The following CIMAP3 variants were observed in gnomAD, a reference collection of about 807,000 sequenced individuals.
CIMAP3 encodes ciliary microtubule-associated protein 3.
chr1:111,352,557 A>G, the CIMAP3 span: 3 of 152,646 alleles, frequency 2.0e-5, no homozygotes, highest in African/African-American at 7.2e-5. Flanking sequence ...AGGATATATT[A>G]AGATAATGAT....
At chr1:111,346,893 TCTC>T in the CIMAP3 span, 1 of 1,612,324 alleles carries the variant, frequency 6.2e-7, no homozygotes, top group Non-Finnish European at 8.5e-7. Context: ...ACGTGGAGCC[TCTC>T]CTCTTTATTT....
chr1:111,336,399 C>T, the CIMAP3 span, among the ~76,000 whole-genome samples: 109 of 151,976 alleles, frequency 7.2e-4, 2 homozygotes, highest in Non-Finnish European at 3.2e-4. Flanking sequence ...AATCAAACTA[C>T]GAGCTACAGG....
chr1:111,342,665 C>T, the CIMAP3 span, among the ~76,000 whole-genome samples: 1 of 152,170 alleles, frequency 6.6e-6, no homozygotes. Context: ...AGGTATATTT[C>T]TCCCCCCAGG....
the CIMAP3 span, among the ~76,000 whole-genome samples, chr1:111,335,655 C>A: frequency 6.6e-6 from 1 of 152,244 alleles, no homozygotes; most frequent in Non-Finnish European, 1.5e-5. Context: ...GGAGGGGCAC[C>A]CGCCATTGCC....
chr1:111,345,386 T>G, the CIMAP3 span, among the ~76,000 whole-genome samples: 1 of 152,184 alleles, frequency 6.6e-6, no homozygotes, highest in Non-Finnish European at 1.5e-5. Flanking sequence ...TGTATATAAC[T>G]ACTACTAATT....
At chr1:111,329,592 T>C in the CIMAP3 span, among the ~76,000 whole-genome samples, 57 of 146,826 alleles carry the variant, frequency 3.9e-4, 4 homozygotes, top group Non-Finnish European at 3.0e-5. Context: ...TTTGCTCTTG[T>C]TGCCCAGCCT....
At chr1:111,346,628 C>G in the CIMAP3 span, 2 of 1,614,152 alleles carry the variant, frequency 1.2e-6, no homozygotes, top group Middle Eastern at 1.7e-4. Context: ...ACGCAGTACA[C>G]AAGTGCTAGC....
the CIMAP3 span, chr1:111,351,426 T>A: frequency 9.2e-7 from 1 of 1,091,994 alleles, no homozygotes; most frequent in Non-Finnish European, 1.3e-6. Context: ...GGCCCTCTTG[T>A]CTGGCAGCCT....
At chr1:111,334,146 T>C in the CIMAP3 span, among the ~76,000 whole-genome samples, 2 of 152,344 alleles carry the variant, frequency 1.3e-5, no homozygotes, top group African/African-American at 4.8e-5. Flanking sequence ...CTTGCATCGG[T>C]AAACTGGTTT....
the CIMAP3 span, among the ~76,000 whole-genome samples, chr1:111,328,974 G>A: frequency 6.6e-6 from 1 of 152,180 alleles, no homozygotes; most frequent in African/African-American, 2.4e-5. Flanking sequence ...GTGTTTTTGT[G>A]TTAGCTAGTA....
At chr1:111,336,922 A>G in the CIMAP3 span, among the ~76,000 whole-genome samples, 1 of 151,710 alleles carries the variant, frequency 6.6e-6, no homozygotes, top group East Asian at 1.9e-4. Context: ...GAAATGACGG[A>G]AAAAATGTTA....
At chr1:111,352,742 TCA>T in the CIMAP3 span, 4 of 152,218 alleles carry the variant, frequency 2.6e-5, no homozygotes, top group Non-Finnish European at 4.4e-5. Context: ...GCAGATTTTT[TCA>T]GAGGTGACAA....
At chr1:111,350,972 C>T in the CIMAP3 span, among the ~76,000 whole-genome samples, 1,169 of 152,260 alleles carry the variant, frequency 7.7e-3, 15 homozygotes, top group African/African-American at 0.027. Flanking sequence ...CTATGGGCAA[C>T]AACTCAAGAA....
chr1:111,345,525 C>A, the CIMAP3 span, among the ~76,000 whole-genome samples: 1 of 152,218 alleles, frequency 6.6e-6, no homozygotes, highest in Non-Finnish European at 1.5e-5. Flanking sequence ...AACACCCCAA[C>A]AATTTTTAAC....
the CIMAP3 span, among the ~76,000 whole-genome samples, chr1:111,332,642 T>C: frequency 6.6e-6 from 1 of 152,164 alleles, no homozygotes; most frequent in Non-Finnish European, 1.5e-5. Flanking sequence ...ACTTGGCTGG[T>C]CTGGAGGTAT....
the CIMAP3 span, chr1:111,347,028 G>T: frequency 1.2e-6 from 2 of 1,613,112 alleles, no homozygotes; most frequent in African/African-American, 1.3e-5. Context: ...CCCACAGAGG[G>T]CCTGGGTGTT....
At chr1:111,348,691 G>A in the CIMAP3 span, 2 of 1,514,118 alleles carry the variant, frequency 1.3e-6, no homozygotes, top group Non-Finnish European at 1.8e-6. Context: ...AAAAGCAATA[G>A]GAGGAAAAGA....
At chr1:111,339,778 G>T in the CIMAP3 span, among the ~76,000 whole-genome samples, 3 of 151,744 alleles carry the variant, frequency 2.0e-5, 1 homozygote, top group African/African-American at 4.9e-5. Context: ...TGGCCATACT[G>T]CCCAAGGTAA....
the CIMAP3 span, among the ~76,000 whole-genome samples, chr1:111,339,460 T>C: frequency 6.7e-6 from 1 of 150,244 alleles, no homozygotes; most frequent in Admixed American, 6.6e-5. Context: ...AAAACCCCAT[T>C]GTCTCAGCCC....
Sources: gnomAD v4.1 joint callset for allele counts (sites outside exome capture counted in the v4.1 genomes callset) on GRCh38, gnomAD v4.1.1 for gene constraint, MANE v1.5 for transcripts, NCBI Gene and HGNC (gene_info 2026-07-23, HGNC 2026-07-21) for gene names.